Variants in ILKAP observed in about 807,000 individuals in gnomAD.
The protein encoded by ILKAP is integrin-linked kinase-associated serine/threonine phosphatase 2C.
ILKAP carries 11 observed loss-of-function variants against 49.1 expected under a neutral mutation model. The ratio of observed to expected loss-of-function variants is 0.22; its 90% CI spans 0.14 to 0.37. ILKAP has a LOEUF of 0.37. Among genes scored for constraint, ILKAP ranks in the 10% least tolerant of loss-of-function variants. The probability of loss-of-function intolerance (pLI) is 1.00; values close to 1 mark genes in which losing one functional copy is unlikely to be tolerated. For missense variants in ILKAP, 363 were observed against 510.8 expected (o/e 0.71, Z 2.79); for synonymous variants, 186 against 192.8 (o/e 0.96, Z 0.29).
intron 3 of ILKAP, among the ~76,000 whole-genome samples, chr2:238,191,393 G>A (rs1574801224): frequency 6.6e-6 from 1 of 152,128 alleles, no homozygotes; most frequent in South Asian, 2.1e-4. Context: ...TTAGTGCTGA[G>A]GAAAAAGTAA....
At chr2:238,182,019 G>T in intron 9 of ILKAP, 46 bp downstream of exon 9, 1 of 1,607,510 alleles carries the variant, frequency 6.2e-7, no homozygotes, top group African/African-American at 1.3e-5. Context: ...CCCTTCTACA[G>T]CTAACAGCCC....
chr2:238,197,820 T>C (rs1694408071), intron 1 of ILKAP, among the ~76,000 whole-genome samples: 1 of 152,212 alleles, frequency 6.6e-6, no homozygotes, highest in Admixed American at 6.5e-5. Context: ...ATGATAATAC[T>C]GCCTGCCTGT....
At chr2:238,176,504 G>C (rs55866099) in intron 9 of ILKAP, among the ~76,000 whole-genome samples, 20,938 of 152,198 alleles carry the variant, frequency 0.14, 1,732 homozygotes, top group Middle Eastern at 0.22. Flanking sequence ...CATTAGGACT[G>C]GCCTCCTGCC....
At chr2:238,192,827 A>G (rs1694193063) in intron 3 of ILKAP, among the ~76,000 whole-genome samples, 1 of 152,180 alleles carries the variant, frequency 6.6e-6, no homozygotes, top group African/African-American at 2.4e-5. Context: ...AGCCTGGCCA[A>G]TATGGGAAAA....
At chr2:238,185,009 C>G (rs1403929581) in intron 6 of ILKAP, among the ~76,000 whole-genome samples, 172 bp downstream of exon 6, 1 of 152,156 alleles carries the variant, frequency 6.6e-6, no homozygotes, top group Non-Finnish European at 1.5e-5. Context: ...CTAAGTCACA[C>G]CTGCATGGCC....
At chr2:238,189,456 C>T (rs1293298970) in intron 4 of ILKAP, among the ~76,000 whole-genome samples, 1 of 152,190 alleles carries the variant, frequency 6.6e-6, no homozygotes, top group African/African-American at 2.4e-5. Context: ...ACGGCTTTTT[C>T]CAGGCTTAGG....
chr2:238,189,447 C>T (rs890569688), intron 4 of ILKAP, among the ~76,000 whole-genome samples: 7 of 152,218 alleles, frequency 4.6e-5, no homozygotes, highest in Admixed American at 2.0e-4. Context: ...CAAATTTCAA[C>T]GGCTTTTTCC....
At chr2:238,193,709 G>A (rs1358119639) in intron 3 of ILKAP, among the ~76,000 whole-genome samples, 5 of 152,122 alleles carry the variant, frequency 3.3e-5, no homozygotes, top group African/African-American at 1.2e-4. Context: ...TACGAAATGG[G>A]ATTACCTGCA....
chr2:238,197,537 A>G (rs1694396173), intron 1 of ILKAP, among the ~76,000 whole-genome samples: 1 of 152,206 alleles, frequency 6.6e-6, no homozygotes, highest in Admixed American at 6.5e-5. Context: ...CCACTGTACA[A>G]GGGAGGAAGT....
chr2:238,176,565 T>C (rs1693467590), intron 9 of ILKAP, among the ~76,000 whole-genome samples: 1 of 152,246 alleles, frequency 6.6e-6, no homozygotes, highest in African/African-American at 2.4e-5. Flanking sequence ...TCTTCTCTGT[T>C]TTCTGCCAAC....
At chr2:238,173,700 G>A in intron 9 of ILKAP, 47 bp from the exon 10 acceptor site, 1 of 1,592,278 alleles carries the variant, frequency 6.3e-7, no homozygotes, top group African/African-American at 1.3e-5. Context: ...ACAGATTATG[G>A]GTCCACAGTA....
At chr2:238,178,068 G>T (rs1412700621) in intron 9 of ILKAP, among the ~76,000 whole-genome samples, 1 of 152,146 alleles carries the variant, frequency 6.6e-6, no homozygotes, top group East Asian at 1.9e-4. Flanking sequence ...AACCAAAGTG[G>T]CAAAATAACC....
rs370383270 is a variant in ILKAP, at chr2:238,182,389, G to T, written c.715-203C>A. On this transcript the variant is annotated intron_variant, in intron 8 of 11. Coordinates refer to ENST00000254654, the MANE Select transcript of ILKAP (RefSeq NM_030768.3). ...AGACACAACAGTTAGGGAGAGAGTCGCCCCTGGTTTTGATATCAACTCTGG... is the reference window on the plus strand; with the variant it reads ...AGACACAACAGTTAGGGAGAGAGTCTCCCCTGGTTTTGATATCAACTCTGG... Among the ~76,000 whole-genome samples the T allele has an allele frequency of 2.4e-4, 36 of 152,292 alleles. No individual in the cohort carries two copies. In the East Asian group the frequency reaches 2.9e-3, roughly 12 times the overall value.
chr2:238,183,116 C>G (rs1286157778), intron 8 of ILKAP, among the ~76,000 whole-genome samples: 1 of 152,166 alleles, frequency 6.6e-6, no homozygotes, highest in African/African-American at 2.4e-5. Context: ...CTAGGCTTTA[C>G]AGCATCCCCA....
intron 3 of ILKAP, 103 bp downstream of exon 3, chr2:238,194,164 TATGACTTA>T (rs1373758481): frequency 4.7e-6 from 4 of 857,724 alleles, no homozygotes; most frequent in Non-Finnish European, 7.6e-6. Context: ...TATGCTGTAT[TATGACTTA>T]ATGTCATCCA....
intron 9 of ILKAP, among the ~76,000 whole-genome samples, chr2:238,180,911 T>TA (rs1401168556): frequency 1.3e-5 from 2 of 152,270 alleles, no homozygotes; most frequent in Non-Finnish European, 2.9e-5. Context: ...ACGCTCATGT[T>TA]AGAGTCACAT....
chr2:238,184,129 C>A lies in ILKAP; in HGVS notation c.533-16G>T. The A allele has an allele frequency of 7.7e-7, 1 of 1,304,850 alleles. No homozygotes were observed. Among genetic ancestry groups the A allele is most frequent in the Non-Finnish European group, 1.1e-6 (1 of 898,792 alleles). 80.8% of individuals were successfully genotyped at this position (1,304,850 alleles called of 1,614,324 possible). On this transcript the variant is annotated splice_polypyrimidine_tract_variant and intron_variant, in intron 6 of 11. Transcript: ENST00000254654. Reference sequence around the variant, plus strand: ...ATTACATCTCCTATTACAGAAGGGCCAAAAGAAAACAATCTCTCAAGGAGG... The same window carrying A: ...ATTACATCTCCTATTACAGAAGGGCAAAAAGAAAACAATCTCTCAAGGAGG...
chr2:238,194,893 A>C, intron 1 of ILKAP, 23 bp from the exon 2 acceptor site: 2 of 1,574,690 alleles, frequency 1.3e-6, no homozygotes, highest in Non-Finnish European at 1.7e-6. Flanking sequence ...AAACCTGTTT[A>C]GAGAGCATAT....
intron 1 of ILKAP, among the ~76,000 whole-genome samples, chr2:238,195,494 A>C (rs1345993520): frequency 6.6e-6 from 1 of 152,240 alleles, no homozygotes; most frequent in East Asian, 1.9e-4. Context: ...TTTTAACAAA[A>C]AATGTGAAGA....
Sources: gnomAD v4.1 joint callset for allele counts (sites outside exome capture counted in the v4.1 genomes callset) on GRCh38, gnomAD v4.1.1 for gene constraint, MANE v1.5 for transcripts, NCBI Gene and HGNC (gene_info 2026-07-23, HGNC 2026-07-21) for gene names.